EIF3L: variants seen among roughly 807,000 people sequenced by gnomAD.
EIF3L encodes the protein eIEF associated protein HSPC021.
EIF3L carries 32 observed loss-of-function variants against 74.6 expected under a neutral mutation model. That is an observed-to-expected ratio of 0.43 (90% CI 0.32 to 0.58). The LOEUF (loss-of-function observed/expected upper bound fraction) is 0.58, where lower values mean the gene tolerates loss of function less well. EIF3L is among the 20% of genes least tolerant of loss of function. The pLI, the probability that EIF3L is intolerant of heterozygous loss-of-function variation, is 0.06. For synonymous variants in EIF3L, 256 were observed against 254.4 expected (o/e 1.01, Z -0.06); for missense variants, 474 against 707.8 (o/e 0.67, Z 3.75).
chr22:37,875,225 A>T (rs557697516), intron 9 of EIF3L, among the ~76,000 whole-genome samples: 31 of 151,802 alleles, frequency 2.0e-4, no homozygotes, highest in Admixed American at 1.6e-3. Context: ...AAAAAAAAAA[A>T]AAACTAGCTG....
intron 11 of EIF3L, chr22:37,884,273 G>T (rs1278337642): frequency 6.6e-6 from 1 of 152,136 alleles, no homozygotes; most frequent in East Asian, 1.9e-4. Context: ...ATGTATTAAT[G>T]TACTGCATTT....
chr22:37,871,606 G>A (rs1022799550), intron 8 of EIF3L, among the ~76,000 whole-genome samples: 1 of 152,114 alleles, frequency 6.6e-6, no homozygotes, highest in African/African-American at 2.4e-5. Context: ...CATGGCTCAC[G>A]CCTATTATCC....
chr22:37,858,563 A>G (rs951490540), intron 4 of EIF3L, 116 bp from the exon 5 acceptor site: 6 of 901,614 alleles, frequency 6.7e-6, no homozygotes, highest in Non-Finnish European at 1.1e-5. Context: ...ATGCATAGCA[A>G]TTTAGATGTT....
At chr22:37,868,739 T>G (rs573498799) in intron 7 of EIF3L, among the ~76,000 whole-genome samples, 3 of 142,530 alleles carry the variant, frequency 2.1e-5, no homozygotes, top group East Asian at 4.8e-4. Flanking sequence ...GCCTCCCAGG[T>G]TCAAGCGATT....
At chr22:37,883,163 G>C (rs1448770130) in intron 11 of EIF3L, 2 of 152,082 alleles carry the variant, frequency 1.3e-5, no homozygotes, top group Admixed American at 6.6e-5. Flanking sequence ...AGACGTGGCA[G>C]CGCATGCCTG....
At position 37,883,296 on chromosome 22, in the gene EIF3L, CAAAAAAA is replaced by C. The variant is rs111310614; in HGVS notation, c.1576-3453_1576-3447del. The C allele has an allele frequency of 1.0e-2, 384 of 38,458 alleles. 3 individuals are homozygous for C. The highest frequency in any genetic ancestry group is 0.094 in the Middle Eastern group (6 of 64). 2.4% of individuals were successfully genotyped at this position (38,458 alleles called of 1,614,324 possible). On this transcript the variant is annotated intron_variant, in intron 11 of 12. Transcript: ENST00000652021. ...GGGCAACAAGAGTGAAACTCCGTCT[CAAAAAAA>C]AAAAAAAAAAAAAAACTTGCATGAT...
chr22:37,863,353 G>A lies in EIF3L; in HGVS notation c.579+8G>A, dbSNP rs1460327570. On this transcript the variant is annotated splice_region_variant and intron_variant, in intron 7 of 12. Transcript: ENST00000652021. Reference sequence around the variant, plus strand: ...GATGAGTTCATCTACCAGGTATCTGGTCAGCTTCAGCCTAATTTGAAATAA... The same window carrying A: ...GATGAGTTCATCTACCAGGTATCTGATCAGCTTCAGCCTAATTTGAAATAA... 2.5e-6 allele frequency: 4 copies of A among 1,607,656 alleles called. No individual in the cohort carries two copies. In the African/African-American group the frequency reaches 5.4e-5, roughly 22 times the overall value.
chr22:37,859,374 C>CTTTTTTTTTTTTTTTTTTT lies in EIF3L; in HGVS notation c.435+637_435+655dup, dbSNP rs34020382. Among the ~76,000 whole-genome samples, 5 of 79,146 alleles carry CTTTTTTTTTTTTTTTTTTT rather than the reference C, an allele frequency of 6.3e-5. 1 individual carries two copies. The highest frequency in any genetic ancestry group is 1.7e-4 in the African/African-American group (3 of 17,628). 51.9% of individuals were successfully genotyped at this position (79,146 alleles called of 152,430 possible). ...CTAAATTATAGAGTACGTGAAGTTTCTTTTTTTTTTTTTTTTTTTTTGAGA... is the reference window on the plus strand; with the variant it reads ...CTAAATTATAGAGTACGTGAAGTTTCTTTTTTTTTTTTTTTTTTTTTTTTTTTTTTTTTTTTTTTTGAGA... On this transcript the variant is annotated intron_variant, in intron 5 of 12. Transcript: ENST00000652021.
rs1160148214 is a variant in EIF3L at position 37,855,473 on chromosome 22, C to G, written c.294-92C>G. ...CAGCTCTGTTTATTTGACATCTTCC[C>G]CTTTCTAAGCCTGGGTCCTCATCTG... On this transcript the variant is annotated intron_variant, in intron 3 of 12. Transcript: ENST00000652021. 13 of 1,159,076 alleles carry G rather than the reference C, an allele frequency of 1.1e-5. No individual in the cohort carries two copies. In the East Asian group the frequency reaches 2.9e-4, roughly 26 times the overall value. 71.8% of individuals were successfully genotyped at this position (1,159,076 alleles called of 1,614,324 possible).
intron 11 of EIF3L, chr22:37,881,188 C>T (rs1359098547): frequency 2.6e-5 from 4 of 152,154 alleles, no homozygotes; most frequent in Non-Finnish European, 5.9e-5. Flanking sequence ...TTTTCACTGG[C>T]ACTTTTAAGT....
At chr22:37,873,330 G>A (rs1028313069) in intron 8 of EIF3L, among the ~76,000 whole-genome samples, 6 of 145,422 alleles carry the variant, frequency 4.1e-5, no homozygotes, top group African/African-American at 1.0e-4. Flanking sequence ...GTGGAGTCTC[G>A]CTCTGTTGCC....
intron 7 of EIF3L, 145 bp downstream of exon 7, chr22:37,863,490 G>T (rs769429605): frequency 1.5e-6 from 1 of 670,968 alleles, no homozygotes; most frequent in Non-Finnish European, 2.5e-6. Flanking sequence ...TCCAGTTTCA[G>T]CTGGCTTTCG....
chr22:37,853,816 G>T (rs1427292486), intron 3 of EIF3L, among the ~76,000 whole-genome samples: 1 of 151,956 alleles, frequency 6.6e-6, no homozygotes, highest in Non-Finnish European at 1.5e-5. Flanking sequence ...TTTGTGTTTA[G>T]ATTTTATAGA....
intron 12 of EIF3L, chr22:37,887,643 C>A (rs1380103992): frequency 6.6e-6 from 1 of 152,284 alleles, no homozygotes; most frequent in South Asian, 2.1e-4. Context: ...GGGGTTGGGC[C>A]TGTAGGAATT....
chr22:37,877,349 A>G (rs565975022), intron 10 of EIF3L: 2 of 276,810 alleles, frequency 7.2e-6, no homozygotes, highest in Non-Finnish European at 1.4e-5. Context: ...TGTCGTCATC[A>G]AGGTTGCATC....
At chr22:37,858,556 C>T in intron 4 of EIF3L, 123 bp from the exon 5 acceptor site, 1 of 828,186 alleles carries the variant, frequency 1.2e-6, no homozygotes, top group Non-Finnish European at 2.0e-6. Flanking sequence ...GGGGCATATG[C>T]ATAGCAATTT....
At chr22:37,884,863 TAAAG>T (rs887112795) in intron 11 of EIF3L, 2 of 127,684 alleles carry the variant, frequency 1.6e-5, no homozygotes, top group African/African-American at 5.7e-5. Context: ...TAAATAAAAA[TAAAG>T]AAAACTTTCT....
intron 10 of EIF3L, 97 bp from the exon 11 acceptor site, chr22:37,877,577 C>T: frequency 7.0e-7 from 1 of 1,424,474 alleles, no homozygotes; most frequent in Non-Finnish European, 9.5e-7. Flanking sequence ...CTGGGTAAGT[C>T]AAAGATCTGT....
At chr22:37,870,036 G>A (rs1926388185) in intron 7 of EIF3L, 140 bp from the exon 8 acceptor site, 1 of 624,338 alleles carries the variant, frequency 1.6e-6, no homozygotes. Context: ...TGTACGGAAT[G>A]GTTTAGAATG....
Sources: allele counts gnomAD v4.1 joint callset (sites outside exome capture counted in the v4.1 genomes callset), GRCh38; gene constraint gnomAD v4.1.1; transcripts MANE v1.5; gene names NCBI Gene and HGNC (gene_info 2026-07-23, HGNC 2026-07-21).